Variants in MED27 observed in about 807,000 individuals in gnomAD.
The protein encoded by MED27 is mediator complex subunit 27, also known as mediator of RNA polymerase II transcription subunit 27.
MED27 carries 30 observed loss-of-function variants against 38.2 expected under a neutral mutation model. The observed-to-expected ratio is 0.79, with a 90% CI of 0.59 to 1.07. The LOEUF (loss-of-function observed/expected upper bound fraction) is 1.07. Ranked by LOEUF, MED27 falls within the 50% of genes least tolerant of loss-of-function variation. The probability of loss-of-function intolerance (pLI) is 0.00; values close to 1 mark genes in which losing one functional copy is unlikely to be tolerated. For missense variants in MED27, 289 were observed against 397.5 expected (o/e 0.73, Z 2.32); for synonymous variants, 122 against 153.5 (o/e 0.79, Z 1.52).
intron 3 of MED27, among the ~76,000 whole-genome samples, chr9:131,950,568 A>C (rs931882827): frequency 5.9e-5 from 9 of 152,222 alleles, no homozygotes; most frequent in African/African-American, 2.2e-4. Context: ...GATTTCACAA[A>C]AAGAAACGCC....
At chr9:132,046,739 G>A (rs117672133) in intron 2 of MED27, among the ~76,000 whole-genome samples, 298 of 152,228 alleles carry the variant, frequency 2.0e-3, no homozygotes, top group Non-Finnish European at 3.1e-3. Flanking sequence ...CCAGTTAAAG[G>A]AACAGTAGTC....
chr9:132,077,215 T>C (rs1017367902), intron 2 of MED27, among the ~76,000 whole-genome samples: 1 of 152,214 alleles, frequency 6.6e-6, no homozygotes, highest in Non-Finnish European at 1.5e-5. Context: ...TAAATACACC[T>C]GAGTTAGAAT....
chr9:132,012,223 A>C (rs1832500421), intron 3 of MED27, among the ~76,000 whole-genome samples: 1 of 152,232 alleles, frequency 6.6e-6, no homozygotes, highest in Non-Finnish European at 1.5e-5. Flanking sequence ...GAAAATGACA[A>C]GTTACAAGGC....
intron 2 of MED27, among the ~76,000 whole-genome samples, chr9:132,045,343 C>T (rs1160946373): frequency 6.6e-6 from 1 of 150,640 alleles, no homozygotes; most frequent in Non-Finnish European, 1.5e-5. Flanking sequence ...GTATGGTGTA[C>T]ATACATATGA....
intron 4 of MED27, among the ~76,000 whole-genome samples, chr9:131,901,520 C>A (rs941953371): frequency 2.6e-5 from 4 of 152,122 alleles, no homozygotes; most frequent in African/African-American, 9.7e-5. Flanking sequence ...CTGGAGCTCA[C>A]AATGTGCTTG....
At chr9:131,942,642 A>T (rs1205141752) in intron 3 of MED27, among the ~76,000 whole-genome samples, 1 of 152,218 alleles carries the variant, frequency 6.6e-6, no homozygotes, top group Non-Finnish European at 1.5e-5. Flanking sequence ...GTAACATCAT[A>T]ATTTGCTTTC....
intron 4 of MED27, among the ~76,000 whole-genome samples, chr9:131,938,782 C>T (rs554795714): frequency 1.3e-5 from 2 of 151,128 alleles, no homozygotes; most frequent in African/African-American, 4.9e-5. Flanking sequence ...GGAGTGATCT[C>T]GGCTCACTGC....
chr9:131,876,615 CTCAGCTCCCAG>C (rs1838937556), intron 6 of MED27, among the ~76,000 whole-genome samples: 1 of 152,160 alleles, frequency 6.6e-6, no homozygotes, highest in Non-Finnish European at 1.5e-5. Context: ...CCCTGCGGCT[CTCAGCTCCCAG>C]AGCCCCGCGC....
At chr9:131,897,422 C>T (rs1829850560) in intron 4 of MED27, among the ~76,000 whole-genome samples, 1 of 152,188 alleles carries the variant, frequency 6.6e-6, no homozygotes, top group Non-Finnish European at 1.5e-5. Flanking sequence ...CAGCGATGGG[C>T]ACTACTAAAT....
chr9:132,058,539 A>G (rs542289658), intron 2 of MED27, among the ~76,000 whole-genome samples: 1 of 152,234 alleles, frequency 6.6e-6, no homozygotes, highest in South Asian at 2.1e-4. Flanking sequence ...CCGCCATGTG[A>G]AGAAGGACAT....
At chr9:131,929,150 C>T (rs960701140) in intron 4 of MED27, among the ~76,000 whole-genome samples, 1 of 152,178 alleles carries the variant, frequency 6.6e-6, no homozygotes, top group Non-Finnish European at 1.5e-5. Context: ...AAGGGATGGA[C>T]CTAGTCCTGG....
At chr9:131,943,845 T>C (rs1483915453) in intron 3 of MED27, among the ~76,000 whole-genome samples, 2 of 152,170 alleles carry the variant, frequency 1.3e-5, no homozygotes, top group African/African-American at 4.8e-5. Context: ...ATGAGCTGGC[T>C]TGATGGTCCA....
chr9:131,947,486 C>T (rs1242950637), intron 3 of MED27, among the ~76,000 whole-genome samples: 2 of 152,090 alleles, frequency 1.3e-5, no homozygotes, highest in Non-Finnish European at 2.9e-5. Context: ...ATGCACGCTA[C>T]CAAATTGGGA....
intron 3 of MED27, among the ~76,000 whole-genome samples, chr9:131,972,818 C>T (rs563616569): frequency 7.2e-5 from 11 of 152,270 alleles, no homozygotes; most frequent in Admixed American, 2.0e-4. Flanking sequence ...GAGGCTGACA[C>T]GGGTGGGTCA....
chr9:131,970,457 C>T (rs1001054423), intron 3 of MED27, among the ~76,000 whole-genome samples: 1 of 152,222 alleles, frequency 6.6e-6, no homozygotes, highest in African/African-American at 2.4e-5. Flanking sequence ...ACGGGGCCAA[C>T]ACAGAAACAC....
In MED27 at chr9:131,897,010, G is replaced by A. The variant is rs1267584207; in HGVS notation, c.574-3018C>T. On this transcript the variant is annotated intron_variant, in intron 4 of 7. Transcript: ENST00000292035. ...CTCCCAAAGTGTTGGGATTACAGGC[G>A]CAAGCCACCACGCCCAGTCATGTAT... is the stretch of plus-strand genomic sequence containing the variant. Among the ~76,000 whole-genome samples the A allele has an allele frequency of 4.6e-5, 7 of 152,202 alleles. No homozygotes were observed. The South Asian group carries it at 6.2e-4, about 14-fold the overall frequency.
At chr9:131,953,153 T>A (rs1159169757) in intron 3 of MED27, among the ~76,000 whole-genome samples, 1 of 152,242 alleles carries the variant, frequency 6.6e-6, no homozygotes, top group East Asian at 1.9e-4. Flanking sequence ...TAACTGTGGA[T>A]GCGGCTAGTT....
intron 2 of MED27, among the ~76,000 whole-genome samples, chr9:132,075,189 G>T (rs901738902): frequency 3.3e-5 from 5 of 152,178 alleles, no homozygotes; most frequent in Admixed American, 6.5e-5. Flanking sequence ...AGCAAAACTG[G>T]ACTAAAACAT....
intron 3 of MED27, among the ~76,000 whole-genome samples, chr9:131,966,685 G>A (rs1192607737): frequency 6.6e-6 from 1 of 152,128 alleles, no homozygotes; most frequent in Admixed American, 6.5e-5. Flanking sequence ...ATGATCTAGT[G>A]GACAAGGACC....
Sources: allele counts gnomAD v4.1 joint callset (sites outside exome capture counted in the v4.1 genomes callset), GRCh38; gene constraint gnomAD v4.1.1; transcripts MANE v1.5; gene names NCBI Gene and HGNC (gene_info 2026-07-23, HGNC 2026-07-21).